IL17RD: variants seen among roughly 807,000 people sequenced by gnomAD.
The protein encoded by IL17RD is interleukin 17 receptor D.
IL17RD carries 52 observed loss-of-function variants against 80.5 expected under a neutral mutation model. The ratio of observed to expected loss-of-function variants is 0.65; its 90% CI spans 0.52 to 0.81. The LOEUF is 0.81. Ranked by LOEUF, IL17RD falls within the 40% of genes least tolerant of loss-of-function variation. The pLI is 0.00. For missense variants in IL17RD, 1,024 were observed against 955.1 expected (o/e 1.07, Z -0.95); for synonymous variants, 416 against 391.8 (o/e 1.06, Z -0.73).
chr3:57,134,556 C>A, intron 1 of IL17RD: 1 of 1,400,640 alleles, frequency 7.1e-7, no homozygotes, highest in Non-Finnish European at 1.0e-6. Flanking sequence ...TCTCATGGAA[C>A]ACATCCTCAA....
intron 1 of IL17RD, among the ~76,000 whole-genome samples, chr3:57,149,160 G>C (rs1186786664): frequency 6.6e-6 from 1 of 152,132 alleles, no homozygotes; most frequent in Non-Finnish European, 1.5e-5. Flanking sequence ...GCTGGGTGTG[G>C]TGGCACTTGT....
In IL17RD at chr3:57,107,154, G is replaced by A. The variant is rs368898909; in HGVS notation, c.551-1000C>T. 3.9e-5 allele frequency among the ~76,000 whole-genome samples: 6 copies of A among 152,106 alleles called. No individual in the cohort carries two copies. In the East Asian group the frequency reaches 7.7e-4, roughly 20 times the overall value. The stretch of plus-strand genomic sequence containing the variant: ...AGCACTTTGGGAGGCTGAGGCGGGT[G>A]GATCATGAGATCAGGAGATCAAGAC... On this transcript the variant is annotated intron_variant, in intron 5 of 12. Transcript: ENST00000296318.
At chr3:57,141,182 G>GT (rs1559481956) in intron 1 of IL17RD, among the ~76,000 whole-genome samples, 1 of 152,168 alleles carries the variant, frequency 6.6e-6, no homozygotes, top group African/African-American at 2.4e-5. Flanking sequence ...GATTACAGAC[G>GT]TGAGCCACAG....
chr3:57,098,235 C>T lies in IL17RD; in HGVS notation c.1468G>A (p.Gly490Ser). 1.2e-6 allele frequency: 2 copies of T among 1,613,824 alleles called. No individual in the cohort carries two copies. Among genetic ancestry groups the T allele is most frequent in the Non-Finnish European group, 1.7e-6 (2 of 1,179,834 alleles). The change falls in exon 12 of 13, where the codon GGT (glycine) becomes AGT (serine). Residue 490 changes from glycine to serine, a missense_variant. Coordinates refer to ENST00000296318, the MANE Select transcript of IL17RD (RefSeq NM_017563.5). ...TACTTGGTACTCAGGTCTAGGATAC[C>T]GGGGACGTCTCCCTCGCAGGAATAA... ...FDYSCEGDVPGILDLSTKYRL... is the reference protein window; with the variant it reads ...FDYSCEGDVPSILDLSTKYRL...
chr3:57,101,279 C>T lies in IL17RD; in HGVS notation c.1064G>A (p.Arg355Gln), dbSNP rs558790313. Residue 355 changes from arginine (R) to glutamine (Q), a missense_variant, in exon 11 of 13, where the codon CGG becomes CAG. Physicochemically the swap from Arg to Gln is conservative, Grantham distance 43 (BLOSUM62 1). Transcript: ENST00000296318. Reference sequence around the variant, plus strand: ...GGAATAGCAGAGAAAGACCTTCGGCCGCGGCCGGAGCCTCTCTCTTGGGAG... The same window carrying T: ...GGAATAGCAGAGAAAGACCTTCGGCTGCGGCCGGAGCCTCTCTCTTGGGAG... ...AALPRERLRP[R>Q]PKVFLCYSSK... The T allele has an allele frequency of 7.1e-5, 114 of 1,613,412 alleles. No homozygotes were observed. In the Middle Eastern group the frequency reaches 8.3e-4, roughly 12 times the overall value.
At chr3:57,098,628 G>T (rs1371711533) in intron 11 of IL17RD, 90 bp from the exon 12 acceptor site, 2 of 856,316 alleles carry the variant, frequency 2.3e-6, no homozygotes, top group East Asian at 4.8e-5. Flanking sequence ...TCAGAAGGAG[G>T]CCATCTCATC....
chr3:57,108,616 A>C (rs1707020118), intron 5 of IL17RD, among the ~76,000 whole-genome samples: 2 of 144,020 alleles, frequency 1.4e-5, no homozygotes, highest in East Asian at 2.1e-4. Context: ...CCTGGGTTCA[A>C]GCAATTTTCC....
chr3:57,131,030 C>T (rs1347960925), intron 1 of IL17RD, among the ~76,000 whole-genome samples: 1 of 152,210 alleles, frequency 6.6e-6, no homozygotes, highest in Non-Finnish European at 1.5e-5. Flanking sequence ...CTGTGCACAA[C>T]GGGGCCTCCC....
At position 57,102,485 on chromosome 3, in the gene IL17RD, G is replaced by T. The variant is rs765214196; in HGVS notation, c.973C>A (p.Gln325Lys). 2 of 1,537,116 alleles carry T rather than the reference G, an allele frequency of 1.3e-6. No individual in the cohort carries two copies. ...ACAGCACACAAAGAGATACCTTGTTGCTTCTTGCGGCACATCACAGTGAAG... is the reference window on the plus strand; with the variant it reads ...ACAGCACACAAAGAGATACCTTGTTTCTTCTTGCGGCACATCACAGTGAAG... ...TLFTVMCRKK[Q>K]QENIYSHLDE... The change falls in exon 10 of 13, where the codon CAA becomes AAA. Residue 325 changes from glutamine (Q) to lysine (K), a missense_variant. By Grantham distance (53) the Gln-to-Lys change is moderately conservative. Transcript: ENST00000296318.
In IL17RD at chr3:57,092,378, GGAGATC is replaced by G. The variant is rs1485869494; in HGVS notation, c.*4009_*4014del. 1 of 152,688 alleles carries G rather than the reference GGAGATC, an allele frequency of 6.5e-6. No individual in the cohort carries two copies. The highest frequency in any genetic ancestry group is 1.5e-5 in the Non-Finnish European group (1 of 68,102). The allele number at this position is 152,688 out of a possible 1,614,324, so 9.5% of individuals were successfully genotyped here. A position where few individuals can be genotyped will look rare whatever the true frequency, so the allele number is the denominator to read the frequency against. On this transcript the variant is annotated 3_prime_UTR_variant, in exon 13 of 13. Transcript: ENST00000296318. ...CCGAGGCAAGCGGATCACCAGGTCA[GGAGATC>G]GAGATCATCCTGGCTAACACAGTGA...
chr3:57,097,765 C>T lies in IL17RD; in HGVS notation c.1938G>A (p.Leu646=). The T allele has an allele frequency of 6.2e-7, 1 of 1,602,762 alleles. No individual in the cohort carries two copies. Among genetic ancestry groups the T allele is most frequent in the Non-Finnish European group, 8.5e-7 (1 of 1,174,172 alleles). Residue 646 remains leucine (L), a synonymous_variant, in exon 12 of 13, where the codon CTG becomes CTA. Coordinates refer to ENST00000296318, the MANE Select transcript of IL17RD (RefSeq NM_017563.5). ...ALDGSAALQP[L]LHTVKAGSPS... Reference sequence around the variant, plus strand: ...GGCTGCCGGCTTTCACCGTGTGCAGCAGGGGTTGCAGGGCGGCGCTACCGT... The same window carrying T: ...GGCTGCCGGCTTTCACCGTGTGCAGTAGGGGTTGCAGGGCGGCGCTACCGT...
Position 57,104,420 on chromosome 3 carries a change from A to G in IL17RD, c.748-13T>C. On this transcript the variant is annotated splice_polypyrimidine_tract_variant and intron_variant, in intron 7 of 12. Transcript: ENST00000296318. Reference sequence around the variant, plus strand: ...CTGTAGTTTGCTCCTGCAACAGACCAAAGAACACTTTAAAAACTCACTTCT... The same window carrying G: ...CTGTAGTTTGCTCCTGCAACAGACCGAAGAACACTTTAAAAACTCACTTCT... The G allele has an allele frequency of 6.3e-7, 1 of 1,588,702 alleles. No homozygotes were observed. Among genetic ancestry groups the G allele is most frequent in the Non-Finnish European group, 8.6e-7 (1 of 1,159,264 alleles).
intron 1 of IL17RD, among the ~76,000 whole-genome samples, chr3:57,131,746 T>G (rs903130661): frequency 6.6e-6 from 1 of 152,230 alleles, no homozygotes; most frequent in Admixed American, 6.5e-5. Context: ...TGCACACACA[T>G]TGGCACATGG....
intron 1 of IL17RD, among the ~76,000 whole-genome samples, chr3:57,163,634 G>A (rs1193053781): frequency 2.6e-5 from 4 of 152,048 alleles, no homozygotes; most frequent in African/African-American, 7.3e-5. Flanking sequence ...GGATCCTTAA[G>A]TCAACACGAG....
intron 1 of IL17RD, among the ~76,000 whole-genome samples, chr3:57,127,875 C>T (rs1707528656): frequency 6.6e-6 from 1 of 152,184 alleles, no homozygotes; most frequent in Admixed American, 6.5e-5. Context: ...GACTCCATGC[C>T]AGTTCAGATG....
At chr3:57,108,230 T>C (rs985716821) in intron 5 of IL17RD, among the ~76,000 whole-genome samples, 12 of 151,998 alleles carry the variant, frequency 7.9e-5, no homozygotes, top group African/African-American at 2.9e-4. Context: ...CGGCTAATTT[T>C]TGTATTTTTA....
chr3:57,162,810 G>C, intron 1 of IL17RD, among the ~76,000 whole-genome samples: 1 of 152,196 alleles, frequency 6.6e-6, no homozygotes, highest in East Asian at 1.9e-4. Context: ...AAAGAAACTA[G>C]TCTGAAGACA....
At chr3:57,104,660 T>C (rs914332768) in intron 7 of IL17RD, among the ~76,000 whole-genome samples, 3 of 152,190 alleles carry the variant, frequency 2.0e-5, no homozygotes, top group Non-Finnish European at 4.4e-5. Context: ...AGCAGGAATA[T>C]TTGATTTGAA....
chr3:57,108,322 G>C (rs1707011071), intron 5 of IL17RD, among the ~76,000 whole-genome samples: 3 of 151,734 alleles, frequency 2.0e-5, no homozygotes, highest in Admixed American at 2.0e-4. Flanking sequence ...CCAAATTGCT[G>C]GGATTACAAG....
Sources: allele counts gnomAD v4.1 joint callset (sites outside exome capture counted in the v4.1 genomes callset), GRCh38; gene constraint gnomAD v4.1.1; transcripts MANE v1.5; gene names NCBI Gene and HGNC (gene_info 2026-07-23, HGNC 2026-07-21).